LTBP1: variants seen among roughly 807,000 people sequenced by gnomAD.
The protein encoded by LTBP1 is latent transforming growth factor beta binding protein 1, also known as latent-transforming growth factor beta-binding protein 1.
A neutral mutation model predicts 207.6 loss-of-function variants in LTBP1; 129 were observed. The observed-to-expected ratio is 0.62, with a 90% confidence interval of 0.54 to 0.72. The LOEUF is 0.72. Among genes scored for constraint, LTBP1 ranks in the 30% least tolerant of loss-of-function variants. The pLI, the probability that LTBP1 is intolerant of heterozygous loss-of-function variation, is 0.00. For missense variants in LTBP1, 2,281 were observed against 2,217.2 expected (o/e 1.03, Z -0.58); for synonymous variants, 963 against 833.7 (o/e 1.16, Z -2.67).
At chr2:33,362,242 CA>C (rs1328820007) in intron 28 of LTBP1, among the ~76,000 whole-genome samples, 1 of 152,032 alleles carries the variant, frequency 6.6e-6, no homozygotes, top group African/African-American at 2.4e-5. Context: ...AGCTGGGAAA[CA>C]CACTGTAAAA....
chr2:33,087,084 C>CTTCTTT (rs1553401057), intron 3 of LTBP1, among the ~76,000 whole-genome samples: 1 of 89,026 alleles, frequency 1.1e-5, no homozygotes, highest in Non-Finnish European at 2.1e-5. Flanking sequence ...CTCCTTTATG[C>CTTCTTT]TTTTTTTTTT....
At chr2:33,065,930 G>C (rs1572465416) in intron 3 of LTBP1, among the ~76,000 whole-genome samples, 1 of 152,218 alleles carries the variant, frequency 6.6e-6, no homozygotes, top group South Asian at 2.1e-4. Context: ...TTATCGGTCT[G>C]ACAGATGAAA....
intron 4 of LTBP1, among the ~76,000 whole-genome samples, chr2:33,117,189 G>C (rs568518962): frequency 2.6e-5 from 4 of 152,278 alleles, no homozygotes; most frequent in African/African-American, 9.6e-5. Context: ...CCCAGTTCTG[G>C]CCTGATCGCA....
chr2:33,254,852 G>GTGTT (rs2092794480), intron 11 of LTBP1, among the ~76,000 whole-genome samples: 1 of 10,366 alleles, frequency 9.6e-5, no homozygotes, highest in Non-Finnish European at 1.5e-4. Context: ...GCGGTGTTTG[G>GTGTT]TTTTTTTTTT....
At chr2:33,162,550 A>T (rs1451563784) in intron 5 of LTBP1, among the ~76,000 whole-genome samples, 12 of 152,242 alleles carry the variant, frequency 7.9e-5, no homozygotes, top group Non-Finnish European at 1.6e-4. Context: ...GATTACACAT[A>T]TCCTTGACGA....
chr2:33,129,517 T>G (rs959142907), intron 4 of LTBP1, among the ~76,000 whole-genome samples: 2 of 152,266 alleles, frequency 1.3e-5, no homozygotes, highest in African/African-American at 4.8e-5. Flanking sequence ...AAGATGATTC[T>G]TGCATAATAT....
chr2:33,305,242 C>G (rs544066095), intron 22 of LTBP1, among the ~76,000 whole-genome samples: 2 of 152,020 alleles, frequency 1.3e-5, no homozygotes, highest in African/African-American at 4.8e-5. Flanking sequence ...AAAAATCACT[C>G]GAACCCAGGA....
chr2:33,335,045 C>CCATGGCACTCTCTCTCACAGTGAGAG (rs2094539296), intron 24 of LTBP1, among the ~76,000 whole-genome samples: 1 of 151,858 alleles, frequency 6.6e-6, no homozygotes, highest in Non-Finnish European at 1.5e-5. Context: ...ACTGTGAGAG[C>CCATGGCACTCTCTCTCACAGTGAGAG]CATGGCACTC....
intron 2 of LTBP1, among the ~76,000 whole-genome samples, chr2:33,013,785 A>G (rs942489505): frequency 2.6e-5 from 4 of 152,060 alleles, no homozygotes; most frequent in African/African-American, 9.7e-5. Flanking sequence ...GTTAACAACC[A>G]CTCCTGCTGA....
At chr2:33,328,162 T>TAAATAAATAAATAAAATA (rs61232623) in intron 24 of LTBP1, among the ~76,000 whole-genome samples, 1 of 145,858 alleles carries the variant, frequency 6.9e-6, no homozygotes, top group African/African-American at 2.8e-5. Context: ...AATAAATAAA[T>TAAATAAATAAATAAAATA]AAATAAAATA....
Position 33,021,121 on chromosome 2 carries a change from C to G in LTBP1, c.778C>G (p.Leu260Val). The G allele has an allele frequency of 6.2e-7, 1 of 1,614,050 alleles. No homozygotes were observed. Among genetic ancestry groups the G allele is most frequent in the Non-Finnish European group, 8.5e-7 (1 of 1,179,964 alleles). ...KHTSSKKADTLPRVSPVAQMT... is the reference protein window; with the variant it reads ...KHTSSKKADTVPRVSPVAQMT... ...TACTTCATCTAAGAAGGCAGACACT[C>G]TACCAAGAGTCAGCCCTGTGGCCCA... Residue 260 changes from leucine to valine, a missense_variant, in exon 3 of 34, where the codon CTA (leucine) becomes GTA (valine). Leu to Val is a conservative substitution (Grantham distance 32). Coordinates refer to ENST00000404816, the MANE Select transcript of LTBP1 (RefSeq NM_206943.4).
chr2:33,367,221 TG>T (rs2095000807), intron 31 of LTBP1, among the ~76,000 whole-genome samples: 2 of 152,216 alleles, frequency 1.3e-5, no homozygotes, highest in South Asian at 4.1e-4. Context: ...TCCCTGAGAT[TG>T]GGGTCATCTG....
intron 3 of LTBP1, among the ~76,000 whole-genome samples, chr2:33,041,971 A>G (rs891515685): frequency 6.6e-6 from 1 of 152,190 alleles, no homozygotes; most frequent in Non-Finnish European, 1.5e-5. Flanking sequence ...CCAGCCGTGT[A>G]TGAAAGTTTT....
At position 33,300,475 on chromosome 2, in the gene LTBP1, A is replaced by G; in HGVS notation, c.3260A>G (p.Asn1087Ser). 2 of 1,613,102 alleles carry G rather than the reference A, an allele frequency of 1.2e-6. No homozygotes were observed. Among genetic ancestry groups the G allele is most frequent in the South Asian group, 2.2e-5 (2 of 91,052 alleles). ...CRDIDECQQG[N>S]LCVNGQCKNT... ...GATATTGATGAATGTCAGCAAGGGA[A>G]TCTATGTGTAAACGGGCAGTGCAAA... Residue 1087 changes from asparagine (N) to serine (S), a missense_variant, in exon 21 of 34, where the codon AAT becomes AGT. Asn to Ser is a conservative substitution (Grantham distance 46, BLOSUM62 1). Coordinates refer to ENST00000404816, the MANE Select transcript of LTBP1 (RefSeq NM_206943.4).
At chr2:33,008,962 G>T (rs2149073848) in intron 2 of LTBP1, among the ~76,000 whole-genome samples, 1 of 152,366 alleles carries the variant, frequency 6.6e-6, no homozygotes, top group East Asian at 1.9e-4. Context: ...AGGGTGACCG[G>T]AGTGTGGCAC....
chr2:33,372,199 C>T (rs2150222629), intron 31 of LTBP1, among the ~76,000 whole-genome samples: 1 of 152,218 alleles, frequency 6.6e-6, no homozygotes, highest in Non-Finnish European at 1.5e-5. Flanking sequence ...ATCCAGGCAC[C>T]CTTGCTCCAG....
intron 7 of LTBP1, among the ~76,000 whole-genome samples, chr2:33,215,633 C>G (rs1361514182): frequency 6.6e-6 from 1 of 152,028 alleles, no homozygotes; most frequent in East Asian, 1.9e-4. Flanking sequence ...CTTCTGAGGG[C>G]CACCACCTGC....
intron 18 of LTBP1, among the ~76,000 whole-genome samples, chr2:33,277,118 G>T (rs571291116): frequency 1.3e-5 from 2 of 152,188 alleles, no homozygotes; most frequent in African/African-American, 4.8e-5. Context: ...CCTGGCTTCT[G>T]CCTGTTGGTT....
chr2:33,042,569 G>A (rs1454703683), intron 3 of LTBP1, among the ~76,000 whole-genome samples: 1 of 152,192 alleles, frequency 6.6e-6, no homozygotes, highest in Non-Finnish European at 1.5e-5. Flanking sequence ...GGTTTACTCT[G>A]ATGAGAAAAG....
Sources: gnomAD v4.1 joint callset for allele counts (sites outside exome capture counted in the v4.1 genomes callset) on GRCh38, gnomAD v4.1.1 for gene constraint, MANE v1.5 for transcripts, NCBI Gene and HGNC (gene_info 2026-07-23, HGNC 2026-07-21) for gene names.